Variants in GNB4 observed in about 807,000 individuals in gnomAD.
The protein encoded by GNB4 is G protein subunit beta 4.
In GNB4, 28 loss-of-function variants were observed where a neutral mutation model predicts 45.2. The observed-to-expected ratio is 0.62, with a 90% confidence interval of 0.46 to 0.85. The LOEUF is 0.85. Ranked by LOEUF, GNB4 falls within the 40% of genes least tolerant of loss-of-function variation. The pLI, the probability that GNB4 is intolerant of heterozygous loss-of-function variation, is 0.00. For missense variants in GNB4, 321 were observed against 425.4 expected (o/e 0.75, Z 2.16); for synonymous variants, 132 against 143.7 (o/e 0.92, Z 0.58).
At chr3:179,511,629 G>A in the GNB4 span, among the ~76,000 whole-genome samples, 2 of 152,102 alleles carry the variant, frequency 1.3e-5, no homozygotes, top group Non-Finnish European at 2.9e-5. Context: ...ATCTAGAAAA[G>A]TGAAATAACT....
the GNB4 span, among the ~76,000 whole-genome samples, chr3:179,485,006 T>G: frequency 2.1e-4 from 3 of 14,044 alleles, no homozygotes; most frequent in African/African-American, 2.8e-4. Flanking sequence ...TTTCGTTTTG[T>G]TTTTTTTTTT....
intron 4 of GNB4, among the ~76,000 whole-genome samples, chr3:179,417,326 G>A (rs1295068410): frequency 6.6e-6 from 1 of 152,052 alleles, no homozygotes; most frequent in East Asian, 1.9e-4. Flanking sequence ...AGCAGACTGG[G>A]CTTAAACTGC....
At chr3:179,468,035 A>AAAAAAATATATATATATATATATAT in the GNB4 span, among the ~76,000 whole-genome samples, 15 of 89,854 alleles carry the variant, frequency 1.7e-4, no homozygotes, top group South Asian at 9.0e-4. Context: ...TGTTGATAAA[A>AAAAAAATATATATATATATATATAT]ATATATATAT....
At chr3:179,433,949 A>G (rs1385441466) in intron 1 of GNB4, among the ~76,000 whole-genome samples, 2 of 152,260 alleles carry the variant, frequency 1.3e-5, no homozygotes, top group African/African-American at 4.8e-5. Context: ...AAAATAAGAT[A>G]GAATGTCATG....
chr3:179,474,737 C>CTTTTTTTT, the GNB4 span, among the ~76,000 whole-genome samples: 4 of 59,718 alleles, frequency 6.7e-5, no homozygotes, highest in African/African-American at 7.3e-5. Flanking sequence ...AGACTGGGTC[C>CTTTTTTTT]TTTTTTTTTT....
the GNB4 span, among the ~76,000 whole-genome samples, chr3:179,477,819 T>A: frequency 6.6e-6 from 1 of 152,172 alleles, no homozygotes; most frequent in Non-Finnish European, 1.5e-5. Context: ...ACACTCTAGG[T>A]TTTTTTCTAT....
intron 1 of GNB4, among the ~76,000 whole-genome samples, chr3:179,449,845 C>T (rs901130449): frequency 1.3e-5 from 2 of 152,202 alleles, no homozygotes; most frequent in African/African-American, 4.8e-5. Flanking sequence ...AGAAGAATGT[C>T]CAACACTTAG....
At chr3:179,464,988 C>T in the GNB4 span, 1 of 1,537,882 alleles carries the variant, frequency 6.5e-7, no homozygotes, top group Admixed American at 1.7e-5. Flanking sequence ...TTACTGCACA[C>T]AGATGGGGTG....
chr3:179,494,246 GAAAGAAAGAAGAAAGGAAGA>G, the GNB4 span, among the ~76,000 whole-genome samples: 1 of 143,896 alleles, frequency 6.9e-6, no homozygotes, highest in Non-Finnish European at 1.5e-5. Flanking sequence ...AGCTGAAGAA[GAAAGAAAGAAGAAAGGAAGA>G]AAGAAAGAAA....
chr3:179,430,960 G>A (rs60912364), intron 1 of GNB4, among the ~76,000 whole-genome samples: 3,151 of 151,980 alleles, frequency 0.021, 119 homozygotes, highest in African/African-American at 0.072. Flanking sequence ...TGTTTTTGCT[G>A]AAGTATTTTA....
chr3:179,505,095 C>T, the GNB4 span, among the ~76,000 whole-genome samples: 20 of 152,178 alleles, frequency 1.3e-4, no homozygotes, highest in Non-Finnish European at 2.1e-4. Context: ...GAAGCTGATC[C>T]ACAGCTAACC....
the GNB4 span, among the ~76,000 whole-genome samples, chr3:179,458,165 A>G: frequency 6.6e-6 from 1 of 152,124 alleles, no homozygotes; most frequent in Non-Finnish European, 1.5e-5. Flanking sequence ...GGTCTCCCAA[A>G]GTGCTGGGAT....
rs577405184 is a variant in GNB4, at chr3:179,434,470, CAG to C, written c.-42-8230_-42-8229del. Among the ~76,000 whole-genome samples, 157 of 152,234 alleles carry C rather than the reference CAG, an allele frequency of 1.0e-3. 1 individual carries two copies. Among genetic ancestry groups the C allele is most frequent in the Non-Finnish European group, 1.9e-3 (127 of 68,020 alleles). ...GCGCAGTGGCTCACACCTGTAATCTCAGAGCTTTGAGAGGCTGAGGTGGGAAG... is the reference window on the plus strand; with the variant it reads ...GCGCAGTGGCTCACACCTGTAATCTCAGCTTTGAGAGGCTGAGGTGGGAAG... On this transcript the variant is annotated intron_variant, in intron 1 of 9. Coordinates refer to ENST00000232564, the MANE Select transcript of GNB4 (RefSeq NM_021629.4).
intron 1 of GNB4, among the ~76,000 whole-genome samples, chr3:179,440,069 T>C (rs1471319680): frequency 6.6e-6 from 1 of 152,246 alleles, no homozygotes; most frequent in Admixed American, 6.5e-5. Flanking sequence ...GAAGTTCCTA[T>C]ATAAATTGCA....
At chr3:179,434,226 G>A (rs1715384500) in intron 1 of GNB4, among the ~76,000 whole-genome samples, 1 of 152,282 alleles carries the variant, frequency 6.6e-6, no homozygotes, top group South Asian at 2.1e-4. Flanking sequence ...CCACTGACAG[G>A]AGAACTGATC....
intron 2 of GNB4, 148 bp from the exon 3 acceptor site, chr3:179,421,075 C>G (rs1249978004): frequency 1.7e-6 from 1 of 590,566 alleles, no homozygotes; most frequent in African/African-American, 1.9e-5. Context: ...AATCACATAA[C>G]CTAAATCAAA....
chr3:179,409,370 G>C (rs544784375), intron 8 of GNB4, among the ~76,000 whole-genome samples: 2 of 151,792 alleles, frequency 1.3e-5, no homozygotes, highest in South Asian at 2.1e-4. Flanking sequence ...AAATCAGCCG[G>C]GTGTGTTGGC....
the GNB4 span, among the ~76,000 whole-genome samples, chr3:179,481,130 C>T: frequency 0.013 from 1,929 of 152,152 alleles, 18 homozygotes; most frequent in Middle Eastern, 0.051. Flanking sequence ...GGATTACAGG[C>T]GTGAGCCACT....
the GNB4 span, among the ~76,000 whole-genome samples, chr3:179,487,259 G>A: frequency 6.6e-6 from 1 of 152,162 alleles, no homozygotes; most frequent in South Asian, 2.1e-4. Flanking sequence ...ATAAAATTTG[G>A]AGGAAGAAAG....
Sources: allele counts gnomAD v4.1 joint callset (sites outside exome capture counted in the v4.1 genomes callset), GRCh38; gene constraint gnomAD v4.1.1; transcripts MANE v1.5; gene names NCBI Gene and HGNC (gene_info 2026-07-23, HGNC 2026-07-21).